The following SAMD9 variants were observed in gnomAD, a reference collection of about 807,000 sequenced individuals.
The protein encoded by SAMD9 is sterile alpha motif domain containing 9.
A neutral mutation model predicts 1.5 loss-of-function variants in SAMD9; 3 were observed. The observed-to-expected ratio is 2.05, with a 90% CI of 0.93 to 5.29. The LOEUF (loss-of-function observed/expected upper bound fraction) is 5.29, where lower values mean the gene tolerates loss of function less well. SAMD9 is among the 30% of genes most tolerant of loss of function. SAMD9 has a pLI of 0.02. For synonymous variants in SAMD9, 635 were observed against 631.9 expected (o/e 1.00, Z -0.07); for missense variants, 1,597 against 1,820.8 (o/e 0.88, Z 2.24).
At chr7:93,114,648 G>C (rs1434424581) in intron 2 of SAMD9, 147 bp downstream of exon 2, 1 of 152,058 alleles carries the variant, frequency 6.6e-6, no homozygotes, top group East Asian at 1.9e-4. Context: ...TAATAAAATT[G>C]ACACATCCAT....
Position 93,103,540 on chromosome 7 carries a change from A to G in SAMD9, c.2558T>C (p.Val853Ala), listed in dbSNP as rs111518136. 6.2e-7 allele frequency: 1 copy of G among 1,613,712 alleles called. No individual in the cohort carries two copies. Among genetic ancestry groups the G allele is most frequent in the Non-Finnish European group, 8.5e-7 (1 of 1,179,704 alleles). The change falls in exon 3 of 3, where the codon GTA (valine) becomes GCA (alanine). Residue 853 changes from valine to alanine, a missense_variant. Transcript: ENST00000379958. ...TTCTTTGGGAGAGAGTTGCTGTATTACGGCAATACTGTCTGGGATCCTTGC... is the reference window on the plus strand; with the variant it reads ...TTCTTTGGGAGAGAGTTGCTGTATTGCGGCAATACTGTCTGGGATCCTTGC... ...KSARIPDSIA[V>A]IQQLSPKEQR...
At position 93,101,581 on chromosome 7, in the gene SAMD9, G is replaced by A. The variant is rs149043237; in HGVS notation, c.4517C>T (p.Pro1506Leu). 1.6e-5 allele frequency: 26 copies of A among 1,613,646 alleles called. No homozygotes were observed. Among genetic ancestry groups the A allele is most frequent in the African/African-American group, 2.7e-5 (2 of 74,886 alleles). ...ACTCTGCCACAAGGAATTAATATCT[G>A]GTGTCTTCTTAAAGCACTGGTCAAT... Reference protein sequence around the residue: ...GKIDQCFKKTPDINSLWQSGD... With the variant: ...GKIDQCFKKTLDINSLWQSGD... Residue 1506 changes from proline to leucine, a missense_variant, in exon 3 of 3, where the codon CCA becomes CTA. Pro to Leu is a moderately conservative substitution (Grantham distance 98). Coordinates refer to ENST00000379958, the MANE Select transcript of SAMD9 (RefSeq NM_017654.4).
chr7:93,117,440 G>A (rs1791850633), intron 1 of SAMD9, among the ~76,000 whole-genome samples: 1 of 151,874 alleles, frequency 6.6e-6, no homozygotes, highest in African/African-American at 2.4e-5. Context: ...ACCACATCCA[G>A]CTATTTTTTT....
intron 2 of SAMD9, among the ~76,000 whole-genome samples, chr7:93,110,875 C>T (rs2116433055): frequency 6.6e-6 from 1 of 152,228 alleles, no homozygotes; most frequent in East Asian, 1.9e-4. Context: ...TAACACCCCA[C>T]TGTCAACATT....
rs1791854022 is a variant in SAMD9, at chr7:93,117,700, C to T, written c.-110+163G>A. On this transcript the variant is annotated intron_variant, in intron 1 of 2. Transcript: ENST00000379958. The stretch of plus-strand genomic sequence containing the variant: ...AATTTTTCAACTAATATAAAGCAGA[C>T]TGCTGTCAGAGCAACAAATAGTCTA... Among the ~76,000 whole-genome samples the T allele has an allele frequency of 1.3e-5, 2 of 152,178 alleles. 1 individual carries two copies. Among genetic ancestry groups the T allele is most frequent in the Non-Finnish European group, 2.9e-5 (2 of 68,036 alleles).
intron 2 of SAMD9, among the ~76,000 whole-genome samples, chr7:93,110,289 CAAGAGCTCCTG>C (rs1419110671): frequency 1.3e-5 from 2 of 152,308 alleles, no homozygotes; most frequent in Non-Finnish European, 2.9e-5. Flanking sequence ...GCCTGCCTTA[CAAGAGCTCCTG>C]AAGGAAGCAC....
chr7:93,108,551 C>A (rs916173359), intron 2 of SAMD9, among the ~76,000 whole-genome samples: 51 of 152,282 alleles, frequency 3.3e-4, no homozygotes, highest in African/African-American at 1.2e-3. Context: ...CCTTTCCTAG[C>A]CAAGGGAAGC....
chr7:93,102,732 T>C lies in SAMD9; in HGVS notation c.3366A>G (p.Thr1122=). Residue 1122 remains threonine (T), a synonymous_variant, in exon 3 of 3, where the codon ACA becomes ACG. Coordinates refer to ENST00000379958, the MANE Select transcript of SAMD9 (RefSeq NM_017654.4). ...IEPDNSYISD[T]LGQVYKSKIR... The stretch of plus-strand genomic sequence containing the variant: ...TTTTACTTTTGTAGACTTGACCCAG[T>C]GTATCTGAGATATAAGAATTGTCAG... The C allele has an allele frequency of 6.2e-7, 1 of 1,613,906 alleles. No individual in the cohort carries two copies. The highest frequency in any genetic ancestry group is 8.5e-7 in the Non-Finnish European group (1 of 1,179,780).
At chr7:93,111,597 T>C (rs1031251031) in intron 2 of SAMD9, among the ~76,000 whole-genome samples, 4 of 151,976 alleles carry the variant, frequency 2.6e-5, no homozygotes, top group African/African-American at 7.3e-5. Context: ...AAGAATCAAA[T>C]AGATGCAATA....
chr7:93,116,160 CCT>C lies in SAMD9; in HGVS notation c.-109-1267_-109-1266del, dbSNP rs2116443387. On this transcript the variant is annotated intron_variant, in intron 1 of 2. Coordinates refer to ENST00000379958, the MANE Select transcript of SAMD9 (RefSeq NM_017654.4). ...CCTTTTCCTAGGGTCTCCCTGACTT[CCT>C]TCATCAACTTGGACCTTTCACAGTT... Among the ~76,000 whole-genome samples the C allele has an allele frequency of 1.3e-5, 2 of 152,304 alleles. 1 individual carries two copies. The highest frequency in any genetic ancestry group is 4.1e-4 in the South Asian group (2 of 4,828).
rs1195004240 is a variant in SAMD9 at position 93,100,668 on chromosome 7, ATTGT to A, written c.*656_*659del. 1.3e-5 allele frequency: 2 copies of A among 151,122 alleles called. No homozygotes were observed. Among genetic ancestry groups the A allele is most frequent in the African/African-American group, 2.4e-5 (1 of 41,068 alleles). The allele number at this position is 151,122 out of a possible 1,614,324, so 9.4% of individuals were successfully genotyped here. ...TGAGTGTCTGTATGTTTTTTTTTTAATTGTTTGTTTGGAGGGGAGTTGATAAGCT... is the reference window on the plus strand; with the variant it reads ...TGAGTGTCTGTATGTTTTTTTTTTAATTGTTTGGAGGGGAGTTGATAAGCT... On this transcript the variant is annotated 3_prime_UTR_variant, in exon 3 of 3. Transcript: ENST00000379958.
At position 93,104,603 on chromosome 7, in the gene SAMD9, C is replaced by T; in HGVS notation, c.1495G>A (p.Asp499Asn). ...GGTTTATATTTTTCACTGTCAAGGT[C>T]TAACCTGCCATTGCAGAAAATCCAG... ...PSWIFCNGRLDLDSEKYKPFD... is the reference protein window; with the variant it reads ...PSWIFCNGRLNLDSEKYKPFD... Residue 499 changes from aspartate to asparagine, a missense_variant, in exon 3 of 3, where the codon GAC becomes AAC. Coordinates refer to ENST00000379958, the MANE Select transcript of SAMD9 (RefSeq NM_017654.4). 6.2e-7 allele frequency: 1 copy of T among 1,614,054 alleles called. No homozygotes were observed. Among genetic ancestry groups the T allele is most frequent in the Non-Finnish European group, 8.5e-7 (1 of 1,179,950 alleles).
rs747612411 is a variant in SAMD9 at position 93,105,708 on chromosome 7, T to G, written c.390A>C (p.Thr130=). The change falls in exon 3 of 3, where the codon ACA becomes ACC. Residue 130 remains threonine (T), a synonymous_variant. Coordinates refer to ENST00000379958, the MANE Select transcript of SAMD9 (RefSeq NM_017654.4). ...TTAGTGACTTAGAACCTTTAGCAGT[T>G]GTACTCATTGCAGACGGATTAGCCA... ...PDMANPSAMS[T]TAKGSKSLKV... 2 of 1,614,130 alleles carry G rather than the reference T, an allele frequency of 1.2e-6. No individual in the cohort carries two copies. The highest frequency in any genetic ancestry group is 3.3e-5 in the Admixed American group (2 of 60,028).
chr7:93,103,275 G>A lies in SAMD9; in HGVS notation c.2823C>T (p.Phe941=). The A allele has an allele frequency of 6.2e-7, 1 of 1,613,620 alleles. No individual in the cohort carries two copies. The highest frequency in any genetic ancestry group is 8.5e-7 in the Non-Finnish European group (1 of 1,179,734). Residue 941 remains phenylalanine (F), a synonymous_variant, in exon 3 of 3, where the codon TTC becomes TTT. Transcript: ENST00000379958. The part of the protein sequence containing the change: ...TTISLSQCEK[F]LGIGNKKAFW... The stretch of plus-strand genomic sequence containing the variant: ...AAGCCTTCTTGTTTCCAATTCCTAA[G>A]AATTTTTCACACTGTGATAGTGAAA...
chr7:93,103,383 C>A lies in SAMD9; in HGVS notation c.2715G>T (p.Leu905=). 1 of 1,613,498 alleles carries A rather than the reference C, an allele frequency of 6.2e-7. No homozygotes were observed. The change falls in exon 3 of 3, where the codon CTG becomes CTT. Residue 905 remains leucine (L), a synonymous_variant. Coordinates refer to ENST00000379958, the MANE Select transcript of SAMD9 (RefSeq NM_017654.4). ...CCTTGGTGAAAATATTCTGCCCTTT[C>A]AGGATATTCCGGACCACATTTTCTA... is the stretch of plus-strand genomic sequence containing the variant. ...EYIENVVRNI[L]KGQNIFTKEA...
In SAMD9 at chr7:93,102,923, G is replaced by T; in HGVS notation, c.3175C>A (p.His1059Asn). 2 of 1,613,836 alleles carry T rather than the reference G, an allele frequency of 1.2e-6. No homozygotes were observed. The highest frequency in any genetic ancestry group is 1.7e-6 in the Non-Finnish European group (2 of 1,179,826). ...ACTGCTTCATTTCCTTCATCTTTATGTAATGCTTCAATAAATGGGGAAAAC... is the reference window on the plus strand; with the variant it reads ...ACTGCTTCATTTCCTTCATCTTTATTTAATGCTTCAATAAATGGGGAAAAC... Reference protein sequence around the residue: ...NWFSPFIEALHKDEGNEAVEA... With the variant: ...NWFSPFIEALNKDEGNEAVEA... Residue 1059 changes from histidine to asparagine, a missense_variant, in exon 3 of 3, where the codon CAT (histidine) becomes AAT (asparagine). Physicochemically the swap from His to Asn is moderately conservative, Grantham distance 68. This residue lies in a region of SAMD9 where 682 missense variants were observed against 810.0 expected (regional missense o/e 0.84). Coordinates refer to ENST00000379958, the MANE Select transcript of SAMD9 (RefSeq NM_017654.4).
At chr7:93,107,550 A>G (rs1260129721) in intron 2 of SAMD9, among the ~76,000 whole-genome samples, 2 of 152,216 alleles carry the variant, frequency 1.3e-5, no homozygotes, top group Non-Finnish European at 2.9e-5. Flanking sequence ...AATGAACTAA[A>G]CTTTCATTTA....
chr7:93,112,590 G>A (rs1455563027), intron 2 of SAMD9, among the ~76,000 whole-genome samples: 1 of 152,210 alleles, frequency 6.6e-6, no homozygotes, highest in Admixed American at 6.5e-5. Context: ...AAGCTGATAA[G>A]TAGCTTCAGC....
chr7:93,103,775 C>T lies in SAMD9; in HGVS notation c.2323G>A (p.Glu775Lys), dbSNP rs770783617. The T allele has an allele frequency of 6.2e-7, 1 of 1,613,836 alleles. No individual in the cohort carries two copies. The highest frequency in any genetic ancestry group is 8.5e-7 in the Non-Finnish European group (1 of 1,179,878). ...NKTVDFSEIG[E>K]QVTSLITYGA... ...TAGGTGATTAAACTGGTTACCTGTT[C>T]TCCAATTTCAGAAAAATCCACTGTC... The change falls in exon 3 of 3, where the codon GAA becomes AAA. Residue 775 changes from glutamate to lysine, a missense_variant. Transcript: ENST00000379958.
Sources: allele counts gnomAD v4.1 joint callset (sites outside exome capture counted in the v4.1 genomes callset), GRCh38; gene constraint gnomAD v4.1.1; regional missense constraint gnomAD v4.1.1; transcripts MANE v1.5; gene names NCBI Gene and HGNC (gene_info 2026-07-23, HGNC 2026-07-21).